Variants in GRIP1 observed in about 807,000 individuals in gnomAD.
The protein encoded by GRIP1 is glutamate receptor-interacting protein 1.
In GRIP1, 45 loss-of-function variants were observed where a neutral mutation model predicts 129.9. The observed-to-expected ratio is 0.35, with a 90% CI of 0.27 to 0.44. GRIP1 has a LOEUF of 0.44. Among genes scored for constraint, GRIP1 ranks in the 20% least tolerant of loss-of-function variants. The pLI, the probability that GRIP1 is intolerant of heterozygous loss-of-function variation, is 1.00. For synonymous variants in GRIP1, 530 were observed against 520.8 expected, an observed-to-expected ratio of 1.02 and a Z score of -0.24; for missense variants, 1,196 against 1,396.8, an observed-to-expected ratio of 0.86 and a Z score of 2.29.
intron 7 of GRIP1, among the ~76,000 whole-genome samples, chr12:66,508,899 G>A (rs534156235): frequency 6.6e-6 from 1 of 152,246 alleles, no homozygotes; most frequent in South Asian, 2.1e-4. Context: ...AAAATCCAGA[G>A]CAAGTTACAA....
At chr12:66,360,945 C>T (rs1212819714) in intron 23 of GRIP1, among the ~76,000 whole-genome samples, 1 of 152,210 alleles carries the variant, frequency 6.6e-6, no homozygotes, top group Non-Finnish European at 1.5e-5. Flanking sequence ...AAACTGACAC[C>T]TACTTCTCAG....
At chr12:67,008,331 T>C (rs2042657357) in intron 1 of GRIP1, among the ~76,000 whole-genome samples, 1 of 152,172 alleles carries the variant, frequency 6.6e-6, no homozygotes, top group African/African-American at 2.4e-5. Flanking sequence ...AATGTGGAGT[T>C]TGGATAAGCA....
At chr12:66,359,943 A>G (rs1002555768) in intron 23 of GRIP1, among the ~76,000 whole-genome samples, 1 of 152,174 alleles carries the variant, frequency 6.6e-6, no homozygotes, top group African/African-American at 2.4e-5. Flanking sequence ...CTGAGGTTTA[A>G]GTTCATACTT....
chr12:66,558,320 G>A (rs560960941), intron 2 of GRIP1, among the ~76,000 whole-genome samples: 33 of 152,214 alleles, frequency 2.2e-4, no homozygotes, highest in Non-Finnish European at 3.8e-4. Flanking sequence ...AGGCAAGGGC[G>A]AATGAGAGAG....
chr12:66,492,706 A>C (rs150713835), intron 7 of GRIP1, among the ~76,000 whole-genome samples: 1,530 of 152,300 alleles, frequency 0.01, 28 homozygotes, highest in African/African-American at 0.035. Flanking sequence ...GGATGTCAGA[A>C]TCAAGGAATT....
intron 2 of GRIP1, among the ~76,000 whole-genome samples, chr12:66,544,848 T>C (rs993694851): frequency 3.9e-5 from 6 of 152,136 alleles, no homozygotes; most frequent in Non-Finnish European, 8.8e-5. Flanking sequence ...CTTTTTGGTG[T>C]TTAATGTTTG....
intron 1 of GRIP1, among the ~76,000 whole-genome samples, chr12:66,895,795 C>T (rs902847740): frequency 3.3e-5 from 5 of 152,196 alleles, no homozygotes; most frequent in Non-Finnish European, 7.3e-5. Context: ...AAGTTATATA[C>T]ACTCCATAGT....
In GRIP1 at chr12:66,723,790, G is replaced by C. The variant is rs547236310; in HGVS notation, c.-420+80263C>G. On this transcript the variant is annotated intron_variant, in intron 1 of 4. Transcript: ENST00000538373. ...ACAAATACAGAATTAAAAATTGTCT[G>C]AGGGAGCTTCCATACAAAGAATTCA... Among the ~76,000 whole-genome samples, 17 of 152,284 alleles carry C rather than the reference G, an allele frequency of 1.1e-4. No homozygotes were observed. In the East Asian group the frequency reaches 2.5e-3, roughly 22 times the overall value.
At chr12:66,364,457 C>G (rs1407685756) in intron 23 of GRIP1, among the ~76,000 whole-genome samples, 1 of 151,990 alleles carries the variant, frequency 6.6e-6, no homozygotes, top group Admixed American at 6.6e-5. Context: ...AGCTGTATAC[C>G]TTTCTCATAT....
intron 1 of GRIP1, among the ~76,000 whole-genome samples, chr12:66,884,808 AT>A (rs1254722361): frequency 6.6e-6 from 1 of 152,178 alleles, no homozygotes; most frequent in Non-Finnish European, 1.5e-5. Context: ...ATATTTTGAA[AT>A]GCCATCTAAA....
chr12:66,602,685 C>T (rs2139808462), intron 1 of GRIP1, among the ~76,000 whole-genome samples: 1 of 152,104 alleles, frequency 6.6e-6, no homozygotes, highest in Non-Finnish European at 1.5e-5. Flanking sequence ...AGTCTCTTTC[C>T]TATGAAAAGA....
Position 66,865,930 on chromosome 12 carries a change from G to A in GRIP1, c.58+203120C>T, listed in dbSNP as rs140387820. ...TATATGTAACTCTCCATTTCTTTCG[G>A]TCAACCTACAGAAGAAAATTGAGAT... On this transcript the variant is annotated intron_variant, in intron 1 of 1. Transcript: ENST00000643019. Among the ~76,000 whole-genome samples, 19 of 151,554 alleles carry A rather than the reference G, an allele frequency of 1.3e-4. No homozygotes were observed. In the East Asian group the frequency reaches 2.7e-3, roughly 22 times the overall value.
At chr12:66,854,327 G>GCAC (rs58715529) in intron 1 of GRIP1, among the ~76,000 whole-genome samples, 3 of 5,972 alleles carry the variant, frequency 5.0e-4, no homozygotes. Context: ...TGATTACAAA[G>GCAC]ATGAGAATGG....
At chr12:66,350,499 T>C (rs903110385) in intron 24 of GRIP1, among the ~76,000 whole-genome samples, 10 of 152,142 alleles carry the variant, frequency 6.6e-5, no homozygotes, top group African/African-American at 2.4e-4. Flanking sequence ...AAACTCTGTC[T>C]GAAATAAATA....
chr12:66,388,123 C>A (rs2056432692), intron 19 of GRIP1, among the ~76,000 whole-genome samples: 2 of 150,410 alleles, frequency 1.3e-5, no homozygotes, highest in South Asian at 4.2e-4. Context: ...AGAGTCAGTT[C>A]TCTGGGAAAA....
At chr12:66,580,459 T>C (rs2063330156) in intron 2 of GRIP1, among the ~76,000 whole-genome samples, 1 of 152,100 alleles carries the variant, frequency 6.6e-6, no homozygotes, top group African/African-American at 2.4e-5. Flanking sequence ...AGACACAGAC[T>C]GGCAAATTGG....
chr12:66,837,698 G>A (rs2039640022), intron 1 of GRIP1, among the ~76,000 whole-genome samples: 1 of 152,190 alleles, frequency 6.6e-6, no homozygotes, highest in South Asian at 2.1e-4. Context: ...ATAGAGAATA[G>A]GCTGAAGAAA....
At chr12:66,636,045 G>C (rs2031331420) in intron 1 of GRIP1, among the ~76,000 whole-genome samples, 1 of 152,084 alleles carries the variant, frequency 6.6e-6, no homozygotes, top group Non-Finnish European at 1.5e-5. Flanking sequence ...AAAATATTCT[G>C]TTTACAAATA....
chr12:66,711,844 G>A (rs1160752855), intron 1 of GRIP1, among the ~76,000 whole-genome samples: 1 of 151,890 alleles, frequency 6.6e-6, no homozygotes, highest in Non-Finnish European at 1.5e-5. Flanking sequence ...TACTTGCCAA[G>A]CTGCGTGAAC....
Sources: gnomAD v4.1 joint callset for allele counts (sites outside exome capture counted in the v4.1 genomes callset) on GRCh38, gnomAD v4.1.1 for gene constraint, MANE v1.5 for transcripts, NCBI Gene and HGNC (gene_info 2026-07-23, HGNC 2026-07-21) for gene names.